Variants in CLEC17A observed in about 807,000 individuals in gnomAD.
CLEC17A encodes C-type lectin domain family 17, member A.
CLEC17A carries 37 observed loss-of-function variants against 61.3 expected under a neutral mutation model. The ratio of observed to expected loss-of-function variants is 0.60; its 90% CI spans 0.46 to 0.79. The LOEUF is 0.79. Among genes scored for constraint, CLEC17A ranks in the 30% least tolerant of loss-of-function variants. The pLI is 0.00. For synonymous variants in CLEC17A, 168 were observed against 164.9 expected (o/e 1.02, Z -0.14); for missense variants, 418 against 464.7 (o/e 0.90, Z 0.92).
intron 10 of CLEC17A, 133 bp downstream of exon 10, chr19:14,597,294 A>T (rs1035203528): frequency 1.3e-6 from 1 of 779,358 alleles, no homozygotes; most frequent in East Asian, 2.7e-5. Flanking sequence ...TTAAAATGGT[A>T]AACATGTCAG....
At chr19:14,589,270 C>G (rs1165910256) in intron 3 of CLEC17A, among the ~76,000 whole-genome samples, 1 of 131,004 alleles carries the variant, frequency 7.6e-6, no homozygotes, top group East Asian at 2.0e-4. Flanking sequence ...CAAACCTCAC[C>G]TCATCTTCAT....
In CLEC17A at chr19:14,583,518, T is replaced by C. The variant is rs140272509; in HGVS notation, c.121+84T>C. On this transcript the variant is annotated intron_variant, in intron 2 of 13. Coordinates refer to ENST00000417570, the MANE Select transcript of CLEC17A (RefSeq NM_001204118.2). ...GCATTGGTTGGGCATTGTAGACACA[T>C]AGTCAGTCTCCTCTGTATCCAGCCC... is the stretch of plus-strand genomic sequence containing the variant. The C allele has an allele frequency of 2.0e-4, 321 of 1,584,188 alleles. 2 individuals are homozygous for C. In the African/African-American group the frequency reaches 2.2e-3, roughly 11 times the overall value.
Position 14,611,614 on chromosome 19 carries a change from A to T in CLEC17A, c.*1418A>T, listed in dbSNP as rs910465786. The stretch of plus-strand genomic sequence containing the variant: ...CCTACATAGTGTGGCCAGGCAGGCC[A>T]TAACCTGGTCATATCCACACAGGAC... On this transcript the variant is annotated 3_prime_UTR_variant, in exon 14 of 14. Transcript: ENST00000417570. 2.6e-5 allele frequency among the ~76,000 whole-genome samples: 4 copies of T among 152,098 alleles called. No individual in the cohort carries two copies. The highest frequency in any genetic ancestry group is 9.7e-5 in the African/African-American group (4 of 41,430).
intron 3 of CLEC17A, among the ~76,000 whole-genome samples, chr19:14,591,777 C>T (rs547560447): frequency 3.9e-5 from 6 of 151,900 alleles, no homozygotes; most frequent in African/African-American, 1.5e-4. Flanking sequence ...AGGCTGATCT[C>T]GAACTCCCAA....
rs2075045152 is a variant in CLEC17A, at chr19:14,611,990, C to T, written c.*1794C>T. On this transcript the variant is annotated 3_prime_UTR_variant, in exon 14 of 14. Transcript: ENST00000417570. ...CTGCACTCCAGCCTGGGTGACAGAG[C>T]AAGACTCCATCTCAAATAAATAAAT... Among the ~76,000 whole-genome samples the T allele has an allele frequency of 1.3e-5, 2 of 152,130 alleles. No individual in the cohort carries two copies. Among genetic ancestry groups the T allele is most frequent in the Admixed American group, 1.3e-4 (2 of 15,266 alleles).
At chr19:14,592,462 C>T in intron 4 of CLEC17A, 104 bp downstream of exon 4, 2 of 1,551,332 alleles carry the variant, frequency 1.3e-6, no homozygotes, top group Non-Finnish European at 1.7e-6. Context: ...CCTCTGTATC[C>T]AGCCCATGCC....
At chr19:14,605,650 A>G (rs1481286697) in intron 12 of CLEC17A, among the ~76,000 whole-genome samples, 2 of 151,822 alleles carry the variant, frequency 1.3e-5, no homozygotes, top group Admixed American at 6.6e-5. Context: ...TTCACCATCA[A>G]TTTGTTTGGA....
intron 13 of CLEC17A, among the ~76,000 whole-genome samples, chr19:14,608,732 C>A (rs1043017715): frequency 6.7e-6 from 1 of 148,880 alleles, no homozygotes; most frequent in African/African-American, 2.5e-5. Context: ...CTCCCAGGCT[C>A]AAGTGATTCT....
chr19:14,584,922 T>C (rs531508598), intron 2 of CLEC17A, among the ~76,000 whole-genome samples: 1 of 152,158 alleles, frequency 6.6e-6, no homozygotes, highest in South Asian at 2.1e-4. Flanking sequence ...AACCACATCA[T>C]GACCTTACCC....
At chr19:14,604,786 G>A (rs985455605) in intron 12 of CLEC17A, among the ~76,000 whole-genome samples, 5 of 151,886 alleles carry the variant, frequency 3.3e-5, no homozygotes, top group Admixed American at 3.3e-4. Context: ...TTTTTTTAAA[G>A]TCACCAGATA....
intron 12 of CLEC17A, among the ~76,000 whole-genome samples, chr19:14,603,634 A>T (rs2074779124): frequency 6.9e-6 from 1 of 145,910 alleles, no homozygotes; most frequent in African/African-American, 2.5e-5. Flanking sequence ...TAAGTTTTGT[A>T]TTTTTTTTTT....
chr19:14,593,824 T>G (rs1371120024), intron 4 of CLEC17A, among the ~76,000 whole-genome samples: 1 of 151,330 alleles, frequency 6.6e-6, no homozygotes, highest in African/African-American at 2.4e-5. Context: ...TAGCTGGGTG[T>G]GGTGGTGGGC....
rs373656699 is a variant in CLEC17A at position 14,610,179 on chromosome 19, C to T, written c.1120C>T (p.Arg374Trp). Residue 374 changes from arginine to tryptophan, a missense_variant, in exon 14 of 14, where the codon CGG becomes TGG. By Grantham distance (101) the Arg-to-Trp change is moderately radical. Coordinates refer to ENST00000417570, the MANE Select transcript of CLEC17A (RefSeq NM_001204118.2). Reference sequence around the variant, plus strand: ...CAAAACTACGTATTGGATTTGTGAGCGGAAATGTTCCTGTTGAAGCCCAGG... The same window carrying T: ...CAAAACTACGTATTGGATTTGTGAGTGGAAATGTTCCTGTTGAAGCCCAGG... ...CYKTTYWICE[R>W]KCSC 2.5e-5 allele frequency: 40 copies of T among 1,571,218 alleles called. No homozygotes were observed. Among genetic ancestry groups the T allele is most frequent in the Non-Finnish European group, 2.8e-5 (32 of 1,158,094 alleles).
intron 3 of CLEC17A, 125 bp downstream of exon 3, chr19:14,587,816 G>A: frequency 6.6e-7 from 1 of 1,526,228 alleles, no homozygotes; most frequent in Non-Finnish European, 8.8e-7. Flanking sequence ...GGGCACTGTG[G>A]AACCCACACC....
intron 10 of CLEC17A, among the ~76,000 whole-genome samples, chr19:14,598,682 C>A (rs148801430): frequency 0.012 from 1,835 of 152,196 alleles, 35 homozygotes; most frequent in African/African-American, 0.042. Flanking sequence ...ACCCTGTTGG[C>A]CAGGCTGGTC....
At chr19:14,605,118 C>T (rs937912840) in intron 12 of CLEC17A, among the ~76,000 whole-genome samples, 7 of 149,642 alleles carry the variant, frequency 4.7e-5, no homozygotes, top group East Asian at 2.0e-4. Context: ...TTTTTTGAGA[C>T]GGGATTTCGC....
chr19:14,597,638 C>T (rs1003678108), intron 10 of CLEC17A, among the ~76,000 whole-genome samples: 10 of 152,052 alleles, frequency 6.6e-5, no homozygotes, highest in African/African-American at 1.4e-4. Context: ...CTCAAGAGGC[C>T]GAAGTGGGAG....
At chr19:14,604,689 C>T (rs768529897) in intron 12 of CLEC17A, among the ~76,000 whole-genome samples, 20 of 151,522 alleles carry the variant, frequency 1.3e-4, no homozygotes, top group Non-Finnish European at 2.4e-4. Context: ...CTTGAACCTG[C>T]GAGGCGGAGG....
At chr19:14,587,553 G>A in intron 2 of CLEC17A, 61 bp from the exon 3 acceptor site, 1 of 1,502,556 alleles carries the variant, frequency 6.7e-7, no homozygotes, top group Non-Finnish European at 9.0e-7. Context: ...GCAGAGACCA[G>A]GGCTTGAGGG....
Sources: gnomAD v4.1 joint callset for allele counts (sites outside exome capture counted in the v4.1 genomes callset) on GRCh38, gnomAD v4.1.1 for gene constraint, MANE v1.5 for transcripts, NCBI Gene and HGNC (gene_info 2026-07-23, HGNC 2026-07-21) for gene names.